ARAP2: variants seen among roughly 807,000 people sequenced by gnomAD.
The protein encoded by ARAP2 is ArfGAP with RhoGAP domain, ankyrin repeat and PH domain 2, also known as arf-GAP with Rho-GAP domain, ANK repeat and PH domain-containing protein 2.
ARAP2 carries 148 observed loss-of-function variants against 194.5 expected under a neutral mutation model. The ratio of observed to expected loss-of-function variants is 0.76; its 90% CI spans 0.67 to 0.87. The LOEUF is 0.87. ARAP2 is among the 40% of genes least tolerant of loss of function. The pLI is 0.00. For synonymous variants in ARAP2, 695 were observed against 683.5 expected, an observed-to-expected ratio of 1.02 and a Z score of -0.26; for missense variants, 2,128 against 1,989.7, an observed-to-expected ratio of 1.07 and a Z score of -1.32.
chr4:36,129,397 G>A (rs1724834689), intron 20 of ARAP2, among the ~76,000 whole-genome samples: 1 of 151,886 alleles, frequency 6.6e-6, no homozygotes, highest in African/African-American at 2.4e-5. Flanking sequence ...TCACATGCCT[G>A]TTAATCCTTT....
At chr4:36,081,342 T>A (rs779856157) in intron 30 of ARAP2, among the ~76,000 whole-genome samples, 1 of 152,078 alleles carries the variant, frequency 6.6e-6, no homozygotes, top group Admixed American at 6.6e-5. Flanking sequence ...AATGAAAGTA[T>A]GACAGGAAGG....
intron 9 of ARAP2, among the ~76,000 whole-genome samples, chr4:36,008,892 G>A (rs1713856923): frequency 6.6e-6 from 1 of 152,060 alleles, no homozygotes; most frequent in African/African-American, 2.4e-5. Flanking sequence ...CAAAGGACAA[G>A]AGCAGACACT....
Position 36,122,808 on chromosome 4 carries a change from G to C in ARAP2, c.3747-1482C>G, listed in dbSNP as rs905886171. 4.0e-5 allele frequency among the ~76,000 whole-genome samples: 6 copies of C among 151,552 alleles called. No homozygotes were observed. In the Admixed American group the frequency reaches 4.0e-4, roughly 10 times the overall value. On this transcript the variant is annotated intron_variant, in intron 22 of 32. Transcript: ENST00000303965. ...CCTGAAGCATCATCCCTAAGAAAGGGAAAGTTACATTGCTAAAAATGTAAC... is the reference window on the plus strand; with the variant it reads ...CCTGAAGCATCATCCCTAAGAAAGGCAAAGTTACATTGCTAAAAATGTAAC...
chr4:36,216,680 GAT>G (rs1748001797), intron 2 of ARAP2, among the ~76,000 whole-genome samples: 1 of 151,800 alleles, frequency 6.6e-6, no homozygotes. Context: ...GGAAGTAAAT[GAT>G]AAACAAATAG....
chr4:36,023,105 C>T (rs1387293906), intron 5 of ARAP2, among the ~76,000 whole-genome samples: 48 of 152,140 alleles, frequency 3.2e-4, no homozygotes, highest in Admixed American at 3.1e-3. Context: ...TTGTCCTTAA[C>T]CCACTCAAAA....
chr4:36,081,237 A>C (rs1382958903), intron 30 of ARAP2, among the ~76,000 whole-genome samples: 2 of 152,148 alleles, frequency 1.3e-5, no homozygotes, highest in Non-Finnish European at 2.9e-5. Flanking sequence ...AGAAATAATG[A>C]TCAGAGGTGA....
At chr4:36,204,509 A>T (rs1745101628) in intron 6 of ARAP2, among the ~76,000 whole-genome samples, 2 of 152,218 alleles carry the variant, frequency 1.3e-5, no homozygotes, top group African/African-American at 4.8e-5. Context: ...GGCATAGAGA[A>T]TCCCAAAGAT....
At chr4:36,167,673 T>C (rs1425815567) in intron 9 of ARAP2, among the ~76,000 whole-genome samples, 2 of 152,176 alleles carry the variant, frequency 1.3e-5, no homozygotes, top group African/African-American at 4.8e-5. Flanking sequence ...ATTGCTTTCA[T>C]CTCCCTTCAA....
intron 20 of ARAP2, among the ~76,000 whole-genome samples, chr4:36,129,438 CCCATTCTGTTGGGGTCA>C (rs1724851916): frequency 6.6e-6 from 1 of 151,682 alleles, no homozygotes. Flanking sequence ...CTGCCCAATC[CCCATTCTGTTGGGGTCA>C]CCCTTCATCA....
rs747756975 is a variant in ARAP2, at chr4:36,091,892, T to C, written c.4414A>G (p.Lys1472Glu). The change falls in exon 28 of 33, where the codon AAG (lysine) becomes GAG (glutamate). Residue 1472 changes from lysine (K) to glutamate (E), a missense_variant. Lys to Glu is a moderately conservative substitution (Grantham distance 56). Coordinates refer to ENST00000303965, the MANE Select transcript of ARAP2 (RefSeq NM_015230.4). Reference sequence around the variant, plus strand: ...TTCAAATACTATACCTTCACATCCTTGTAAAGAAAGAGAAACCCATCTCGT... The same window carrying C: ...TTCAAATACTATACCTTCACATCCTCGTAAAGAAAGAGAAACCCATCTCGT... The part of the protein sequence containing the change: ...VLRDGFLFLY[K>E]DVKSSKHDKM... The C allele has an allele frequency of 1.4e-5, 22 of 1,603,850 alleles. No homozygotes were observed. Among genetic ancestry groups the C allele is most frequent in the East Asian group, 4.5e-5 (2 of 44,518 alleles).
intron 21 of ARAP2, among the ~76,000 whole-genome samples, chr4:36,127,496 T>G (rs1724238206): frequency 6.6e-6 from 1 of 152,030 alleles, no homozygotes; most frequent in South Asian, 2.1e-4. Flanking sequence ...GCATGTTTTG[T>G]GACATCATTT....
rs199800479 is a variant in ARAP2 at position 36,163,899 on chromosome 4, TA to T, written c.2173+1014del. On this transcript the variant is annotated intron_variant, in intron 11 of 32. Coordinates refer to ENST00000303965, the MANE Select transcript of ARAP2 (RefSeq NM_015230.4). ...CATTTTTTGTTGTGATTGATATTAT[TA>T]ATTAGCTGGTGAGGAAATCTATCTT... Among the ~76,000 whole-genome samples, 530 of 152,328 alleles carry T rather than the reference TA, an allele frequency of 3.5e-3. 2 individuals carry two copies. Among genetic ancestry groups the T allele is most frequent in the African/African-American group, 9.0e-3 (376 of 41,572 alleles).
At chr4:36,124,988 A>G in intron 21 of ARAP2, 21 bp from the exon 22 acceptor site, 7 of 1,449,146 alleles carry the variant, frequency 4.8e-6, no homozygotes, top group Non-Finnish European at 6.8e-6. Context: ...AAAAAAAACA[A>G]TCTTGAGATC....
chr4:36,155,818 G>A (rs1307337953), intron 15 of ARAP2, among the ~76,000 whole-genome samples: 2 of 151,886 alleles, frequency 1.3e-5, no homozygotes, highest in Non-Finnish European at 2.9e-5. Context: ...GTTATATTCT[G>A]GAATGAGGAG....
chr4:36,105,269 G>A (rs915161299), intron 27 of ARAP2, among the ~76,000 whole-genome samples: 3 of 151,964 alleles, frequency 2.0e-5, no homozygotes, highest in African/African-American at 7.2e-5. Flanking sequence ...GCAGTAAGCT[G>A]AGATCACGCC....
chr4:36,115,384 T>G (rs1487330398), intron 25 of ARAP2, among the ~76,000 whole-genome samples: 1 of 152,006 alleles, frequency 6.6e-6, no homozygotes, highest in Admixed American at 6.6e-5. Flanking sequence ...TCAGTGATGC[T>G]GTTGATATGC....
rs1297310379 is a variant in ARAP2, at chr4:36,014,316, AAGAAAGAG to A, written n.1056+1062_1056+1069del. ...AAGAAAGAAGAGAAGGAAGGAAAGA[AAGAAAGAG>A]AGAAAGAAAGAAAGAAAGAAAGAAA... On this transcript the variant is annotated intron_variant and non_coding_transcript_variant, in intron 8 of 12. Coordinates refer to the ARAP2 transcript ENST00000503225. Among the ~76,000 whole-genome samples the A allele has an allele frequency of 1.9e-3, 197 of 106,478 alleles. 4 individuals are homozygous for A. The highest frequency in any genetic ancestry group is 2.9e-3 in the Non-Finnish European group (148 of 50,480). The allele number at this position is 106,478 out of a possible 152,430, so 69.9% of individuals were successfully genotyped here. A position where few individuals can be genotyped will look rare whatever the true frequency, so the allele number is the denominator to read the frequency against.
chr4:36,197,703 C>T (rs921313354), intron 6 of ARAP2, among the ~76,000 whole-genome samples: 2 of 152,228 alleles, frequency 1.3e-5, no homozygotes, highest in African/African-American at 2.4e-5. Flanking sequence ...TGGGGTCCAG[C>T]CACTGCACAC....
chr4:36,134,679 C>T (rs1391308796), intron 19 of ARAP2, among the ~76,000 whole-genome samples: 3 of 151,324 alleles, frequency 2.0e-5, no homozygotes, highest in Non-Finnish European at 4.4e-5. Context: ...TTACCTGCAA[C>T]TTGATCTGTC....
Sources: gnomAD v4.1 joint callset for allele counts (sites outside exome capture counted in the v4.1 genomes callset) on GRCh38, gnomAD v4.1.1 for gene constraint, MANE v1.5 for transcripts, NCBI Gene and HGNC (gene_info 2026-07-23, HGNC 2026-07-21) for gene names.